The following ABLIM1 variants were observed in gnomAD, a reference collection of about 807,000 sequenced individuals.
ABLIM1 encodes actin binding LIM protein 1, also known as actin-binding LIM protein 1.
Under a neutral mutation model 107.0 loss-of-function variants are expected in ABLIM1, and 40 were observed. The observed-to-expected ratio is 0.37, with a 90% CI of 0.29 to 0.49. ABLIM1 has a LOEUF of 0.49. ABLIM1 is among the 20% of genes least tolerant of loss of function. The probability of loss-of-function intolerance (pLI) is 0.97; values close to 1 mark genes in which losing one functional copy is unlikely to be tolerated. For missense variants in ABLIM1, 857 were observed against 1,008.5 expected (o/e 0.85, Z 2.04); for synonymous variants, 357 against 357.3 (o/e 1.00, Z 0.01).
At chr10:114,463,854 C>T (rs1169795416) in intron 12 of ABLIM1, among the ~76,000 whole-genome samples, 1 of 152,144 alleles carries the variant, frequency 6.6e-6, no homozygotes, top group East Asian at 1.9e-4. Context: ...TATCAGAATC[C>T]CTCCAGCTTC....
chr10:114,637,664 C>T (rs1313576768), intron 1 of ABLIM1, among the ~76,000 whole-genome samples: 1 of 152,060 alleles, frequency 6.6e-6, no homozygotes, highest in African/African-American at 2.4e-5. Context: ...TTTAAAGTTC[C>T]CTCTAAACAA....
the ABLIM1 span, among the ~76,000 whole-genome samples, chr10:114,791,555 G>A: frequency 0.14 from 21,552 of 151,544 alleles, 2,019 homozygotes; most frequent in East Asian, 0.44. Flanking sequence ...GGAGAATGGC[G>A]TGAACCTGGG....
At chr10:114,505,902 C>G (rs772719898) in intron 6 of ABLIM1, among the ~76,000 whole-genome samples, 1 of 152,136 alleles carries the variant, frequency 6.6e-6, no homozygotes, top group Non-Finnish European at 1.5e-5. Flanking sequence ...GGTACATGTG[C>G]AGGTTTGTCA....
chr10:114,464,071 C>T (rs1368945465), intron 12 of ABLIM1, among the ~76,000 whole-genome samples: 2 of 152,108 alleles, frequency 1.3e-5, no homozygotes, highest in Non-Finnish European at 2.9e-5. Context: ...CCTCACTGTT[C>T]AGGGGTCTTT....
chr10:114,461,921 G>T (rs74158008), intron 12 of ABLIM1, among the ~76,000 whole-genome samples: 3 of 152,086 alleles, frequency 2.0e-5, no homozygotes, highest in African/African-American at 7.2e-5. Context: ...CAAATGGCAC[G>T]TGTACCTTAA....
At chr10:114,681,640 C>T (rs1454981338) in intron 1 of ABLIM1, among the ~76,000 whole-genome samples, 2 of 152,224 alleles carry the variant, frequency 1.3e-5, no homozygotes, top group African/African-American at 4.8e-5. Context: ...GACAGCAGGA[C>T]ATATGTTTCC....
chr10:114,504,907 T>C (rs2060921385), intron 6 of ABLIM1, among the ~76,000 whole-genome samples: 1 of 152,126 alleles, frequency 6.6e-6, no homozygotes, highest in Non-Finnish European at 1.5e-5. Context: ...AAGAGAAATG[T>C]TAATTCTTTA....
chr10:114,521,918 T>C (rs936384694), intron 6 of ABLIM1, among the ~76,000 whole-genome samples: 1 of 152,128 alleles, frequency 6.6e-6, no homozygotes, highest in Non-Finnish European at 1.5e-5. Context: ...GGAGAGAAGA[T>C]GGCCTAGGGG....
intron 1 of ABLIM1, chr10:114,767,945 G>C (rs1390395768): frequency 3.0e-6 from 1 of 338,592 alleles, no homozygotes; most frequent in Non-Finnish European, 5.9e-6. Flanking sequence ...CCGGGGATCC[G>C]CTGCCAAAGT....
At chr10:114,746,635 T>C (rs1378470778) in intron 1 of ABLIM1, among the ~76,000 whole-genome samples, 1 of 152,212 alleles carries the variant, frequency 6.6e-6, no homozygotes, top group African/African-American at 2.4e-5. Context: ...GGAACCTCCA[T>C]ACTGTTTTCT....
Position 114,468,169 on chromosome 10 carries a change from A to G in ABLIM1, c.1311+12T>C. On this transcript the variant is annotated intron_variant, in intron 11 of 22. Transcript: ENST00000533213. Reference sequence around the variant, plus strand: ...TCCACCCATTAAAATGATAAAAAGAAATGGTACTTACTTCTGCTGATGGAG... The same window carrying G: ...TCCACCCATTAAAATGATAAAAAGAGATGGTACTTACTTCTGCTGATGGAG... 6.2e-7 allele frequency: 1 copy of G among 1,611,258 alleles called. No homozygotes were observed. Among genetic ancestry groups the G allele is most frequent in the South Asian group, 1.1e-5 (1 of 91,000 alleles).
chr10:114,639,917 G>T (rs1448534894), intron 1 of ABLIM1, among the ~76,000 whole-genome samples: 1 of 152,266 alleles, frequency 6.6e-6, no homozygotes, highest in South Asian at 2.1e-4. Context: ...GGAATTCAGG[G>T]AGACTCAAAG....
chr10:114,453,247 G>C (rs1273257279), intron 13 of ABLIM1, 132 bp downstream of exon 13: 8 of 938,222 alleles, frequency 8.5e-6, no homozygotes, highest in Non-Finnish European at 1.3e-5. Context: ...CCCTAGGTCA[G>C]ATCCTGCAAT....
chr10:114,682,377 C>A (rs2080783447), intron 1 of ABLIM1, among the ~76,000 whole-genome samples: 1 of 152,166 alleles, frequency 6.6e-6, no homozygotes, highest in South Asian at 2.1e-4. Flanking sequence ...CAGCTGCAAG[C>A]TTTGCTGTTG....
chr10:114,603,114 A>G (rs1271596408), intron 1 of ABLIM1, among the ~76,000 whole-genome samples: 1 of 152,178 alleles, frequency 6.6e-6, no homozygotes, highest in Non-Finnish European at 1.5e-5. Flanking sequence ...AAATTAATCA[A>G]CCAACACAAA....
At chr10:114,699,346 C>G (rs2081261882) in intron 1 of ABLIM1, among the ~76,000 whole-genome samples, 1 of 152,084 alleles carries the variant, frequency 6.6e-6, no homozygotes, top group South Asian at 2.1e-4. Context: ...GTGTCTGCTT[C>G]TGCAGTGAAG....
chr10:114,601,367 C>A (rs539696755), intron 2 of ABLIM1, among the ~76,000 whole-genome samples: 1 of 151,520 alleles, frequency 6.6e-6, no homozygotes, highest in Non-Finnish European at 1.5e-5. Context: ...CGGGTTCAAG[C>A]GATTCTCCTG....
At chr10:114,611,904 C>T (rs2076834995) in intron 1 of ABLIM1, among the ~76,000 whole-genome samples, 1 of 152,180 alleles carries the variant, frequency 6.6e-6, no homozygotes, top group African/African-American at 2.4e-5. Context: ...CATGTTCAAC[C>T]ATTTGTATAC....
intron 8 of ABLIM1, among the ~76,000 whole-genome samples, chr10:114,480,052 T>A (rs907941487): frequency 6.6e-6 from 1 of 152,238 alleles, no homozygotes; most frequent in African/African-American, 2.4e-5. Flanking sequence ...TGACATGCTG[T>A]CCCACTTTCA....
Sources: allele counts gnomAD v4.1 joint callset (sites outside exome capture counted in the v4.1 genomes callset), GRCh38; gene constraint gnomAD v4.1.1; transcripts MANE v1.5; gene names NCBI Gene and HGNC (gene_info 2026-07-23, HGNC 2026-07-21).